Variants in CEP164 observed in about 807,000 individuals in gnomAD.
The protein encoded by CEP164 is centrosomal protein of 164 kDa.
A neutral mutation model predicts 182.7 loss-of-function variants in CEP164; 162 were observed. The observed-to-expected ratio is 0.89, with a 90% confidence interval of 0.78 to 1.01. The LOEUF (loss-of-function observed/expected upper bound fraction) is 1.01. Among genes scored for constraint, CEP164 ranks in the 50% least tolerant of loss-of-function variants. The probability of loss-of-function intolerance (pLI) is 0.00; values close to 1 mark genes in which losing one functional copy is unlikely to be tolerated. For synonymous variants in CEP164, 661 were observed against 690.0 expected, an observed-to-expected ratio of 0.96 and a Z score of 0.66; for missense variants, 1,735 against 1,790.4, an observed-to-expected ratio of 0.97 and a Z score of 0.56.
rs567521356 is a variant in CEP164 at position 117,390,655 on chromosome 11, A to G, written c.1935-122A>G. On this transcript the variant is annotated intron_variant, in intron 15 of 32. Transcript: ENST00000278935. ...TGTCTCCAAAAAGAAAAAAAAAAAA[A>G]AAGATTTAGGAAGTTTCTTAGGCAG... 236 of 1,320,658 alleles carry G rather than the reference A, an allele frequency of 1.8e-4. 2 individuals carry two copies. In the African/African-American group the frequency reaches 2.6e-3, roughly 15 times the overall value. 81.8% of individuals were successfully genotyped at this position (1,320,658 alleles called of 1,614,324 possible).
intron 27 of CEP164, among the ~76,000 whole-genome samples, chr11:117,397,961 C>T (rs369738455): frequency 6.6e-6 from 1 of 152,180 alleles, no homozygotes; most frequent in African/African-American, 2.4e-5. Flanking sequence ...TAACTCATTT[C>T]AGCATTAACC....
chr11:117,394,422 C>T lies in CEP164; in HGVS notation c.2689C>T (p.Arg897Ter), dbSNP rs764893412. 17 of 1,613,736 alleles carry T rather than the reference C, an allele frequency of 1.1e-5. No individual in the cohort carries two copies. Among genetic ancestry groups the T allele is most frequent in the Admixed American group, 3.3e-5 (2 of 59,962 alleles). The change falls in exon 21 of 33, where the codon CGA becomes TGA. Residue 897 changes from arginine to a stop codon, truncating the protein, a stop_gained. Transcript: ENST00000278935. LOFTEE classifies it high-confidence loss of function. The surrounding 1 kb of genome is among the most constrained non-coding windows in gnomAD (Gnocchi z 4.0). ...GGAGCGCCTGCAGAGGGCCCATGAA[C>T]GAGAACTGGAGACTGTGAGGCAGGA... ...ELERLQRAHE[R>*]ELETVRQEQH...
At chr11:117,407,460 A>AT (rs1644897566) in intron 27 of CEP164, among the ~76,000 whole-genome samples, 1 of 145,334 alleles carries the variant, frequency 6.9e-6, no homozygotes, top group African/African-American at 2.6e-5. Flanking sequence ...GTCTCTACAA[A>AT]AAAAAAAAAA....
At chr11:117,335,376 G>T (rs2036922148) in intron 1 of CEP164, among the ~76,000 whole-genome samples, 1 of 152,090 alleles carries the variant, frequency 6.6e-6, no homozygotes. Context: ...TTCAGGTTCA[G>T]TGCACTGACA....
chr11:117,380,734 G>A (rs767716968), intron 12 of CEP164, 29 bp downstream of exon 12: 42 of 1,567,742 alleles, frequency 2.7e-5, no homozygotes, highest in African/African-American at 8.1e-5. Context: ...TATCCCCAGC[G>A]CTGTGCCTTC....
Position 117,409,966 on chromosome 11 carries a change from G to A in CEP164, c.4096+1G>A, listed in dbSNP as rs780888941. 1.2e-6 allele frequency: 2 copies of A among 1,613,832 alleles called. No individual in the cohort carries two copies. Among genetic ancestry groups the A allele is most frequent in the Non-Finnish European group, 1.7e-6 (2 of 1,179,942 alleles). On this transcript the variant is annotated splice_donor_variant, in intron 30 of 32. Coordinates refer to ENST00000278935, the MANE Select transcript of CEP164 (RefSeq NM_014956.5). LOFTEE classifies it high-confidence loss of function. The surrounding 1 kb of genome is among the most constrained non-coding windows in gnomAD (Gnocchi z 4.4). ...GAGAAGTGGCGCAAGTATTTTCCAT[G>A]TAAGCCCCACTCTGGGCGGAGCCTT...
chr11:117,333,448 C>A (rs972709091), intron 1 of CEP164, among the ~76,000 whole-genome samples: 1 of 152,232 alleles, frequency 6.6e-6, no homozygotes, highest in Non-Finnish European at 1.5e-5. Flanking sequence ...TCCAATCTGG[C>A]CTCCGCTTTA....
intron 10 of CEP164, among the ~76,000 whole-genome samples, chr11:117,374,075 ATATAAT>A (rs1257176672): frequency 6.6e-6 from 1 of 151,982 alleles, no homozygotes; most frequent in Non-Finnish European, 1.5e-5. Flanking sequence ...AACATTAATA[ATATAAT>A]TATATATATA....
chr11:117,394,550 G>T lies in CEP164; in HGVS notation c.2760+57G>T. On this transcript the variant is annotated intron_variant, in intron 21 of 32. Coordinates refer to ENST00000278935, the MANE Select transcript of CEP164 (RefSeq NM_014956.5). This position sits in a 1 kb window ranked among gnomAD's most constrained non-coding sequence, Gnocchi z 4.0. ...TGACCCCTCCATGCACAGTAGGAAGGTGCTGGGAGCAGACGCATGGCCCCA... is the reference window on the plus strand; with the variant it reads ...TGACCCCTCCATGCACAGTAGGAAGTTGCTGGGAGCAGACGCATGGCCCCA... 1 of 1,595,040 alleles carries T rather than the reference G, an allele frequency of 6.3e-7. No individual in the cohort carries two copies. Among genetic ancestry groups the T allele is most frequent in the African/African-American group, 1.3e-5 (1 of 74,618 alleles).
chr11:117,344,005 A>G (rs1422840636), intron 3 of CEP164, among the ~76,000 whole-genome samples, 161 bp from the exon 4 acceptor site: 1 of 152,168 alleles, frequency 6.6e-6, no homozygotes, highest in African/African-American at 2.4e-5. Flanking sequence ...CAAGTGTACT[A>G]TTTGTAAATT....
At chr11:117,410,529 A>G in intron 30 of CEP164, 1 of 300,828 alleles carries the variant, frequency 3.3e-6, no homozygotes, top group South Asian at 5.0e-5. Context: ...TGTGTGGCTA[A>G]TTCTTGCTTC....
chr11:117,338,638 T>C lies in CEP164; in HGVS notation c.52T>C (p.Tyr18His). Residue 18 changes from tyrosine (Y) to histidine (H), a missense_variant, in exon 3 of 33, where the codon TAT (tyrosine) becomes CAT (histidine). Tyr to His is a moderately conservative substitution (Grantham distance 83, BLOSUM62 2). Transcript: ENST00000278935. ...AGATCAGCTGGTTCTGGAAGAAGAT[T>C]ATGATGAGACCTACATTCCTAGTGA... ...IGDQLVLEEDYDETYIPSEQE... is the reference protein window; with the variant it reads ...IGDQLVLEEDHDETYIPSEQE... 6 of 1,614,066 alleles carry C rather than the reference T, an allele frequency of 3.7e-6. No homozygotes were observed. The highest frequency in any genetic ancestry group is 5.1e-6 in the Non-Finnish European group (6 of 1,179,952).
At chr11:117,369,848 T>G (rs1286778282) in intron 8 of CEP164, among the ~76,000 whole-genome samples, 1 of 152,214 alleles carries the variant, frequency 6.6e-6, no homozygotes, top group Non-Finnish European at 1.5e-5. Context: ...TACTAGTCTT[T>G]AAAGTGAGGT....
At chr11:117,410,710 C>T (rs2047254781) in intron 30 of CEP164, 118 bp from the exon 31 acceptor site, 3 of 738,088 alleles carry the variant, frequency 4.1e-6, no homozygotes, top group Admixed American at 2.4e-5. Flanking sequence ...TCACCTGTCT[C>T]TGGCCTCCAG....
At position 117,345,692 on chromosome 11, in the gene CEP164, C is replaced by CT. The variant is rs544201814; in HGVS notation, c.194+1426dup. ...TGTGGCAGGCTTTTTGTTTCTTGAT[C>CT]TTTTTTTTTTTGAGATGGAGTTTTG... is the stretch of plus-strand genomic sequence containing the variant. On this transcript the variant is annotated intron_variant, in intron 4 of 32. Coordinates refer to ENST00000278935, the MANE Select transcript of CEP164 (RefSeq NM_014956.5). Among the ~76,000 whole-genome samples the CT allele has an allele frequency of 2.7e-3, 397 of 146,946 alleles. 2 individuals carry two copies. Among genetic ancestry groups the CT allele is most frequent in the South Asian group, 0.018 (83 of 4,628 alleles).
At chr11:117,355,999 G>GAGA (rs1555103836) in intron 5 of CEP164, 1 of 1,110,298 alleles carries the variant, frequency 9.0e-7, no homozygotes, top group Admixed American at 3.6e-5. Context: ...CTGACTTGGA[G>GAGA]AGCAGCAGCA....
Position 117,412,065 on chromosome 11 carries a change from T to C in CEP164, c.4287-7T>C, listed in dbSNP as rs977159589. 6.2e-7 allele frequency: 1 copy of C among 1,613,950 alleles called. No homozygotes were observed. Among genetic ancestry groups the C allele is most frequent in the Admixed American group, 1.7e-5 (1 of 59,994 alleles). ...GCGACTGCAGTTTTCCTTCACCTTG[T>C]GGCCAGACCTCTCTTCTCGTCAACA... is the stretch of plus-strand genomic sequence containing the variant. On this transcript the variant is annotated splice_region_variant and splice_polypyrimidine_tract_variant and intron_variant, in intron 32 of 32. Coordinates refer to ENST00000278935, the MANE Select transcript of CEP164 (RefSeq NM_014956.5).
At chr11:117,408,312 C>T (rs2046944649) in intron 28 of CEP164, among the ~76,000 whole-genome samples, 1 of 152,222 alleles carries the variant, frequency 6.6e-6, no homozygotes, top group Admixed American at 6.5e-5. Context: ...TTACCCTGCC[C>T]TGGTCCCTAA....
Position 117,395,545 on chromosome 11 carries a change from A to C in CEP164, c.2914-2A>C, listed in dbSNP as rs1217325146. 1 of 1,607,580 alleles carries C rather than the reference A, an allele frequency of 6.2e-7. No individual in the cohort carries two copies. The highest frequency in any genetic ancestry group is 8.5e-7 in the Non-Finnish European group (1 of 1,177,000). On this transcript the variant is annotated splice_acceptor_variant, in intron 23 of 32. Coordinates refer to ENST00000278935, the MANE Select transcript of CEP164 (RefSeq NM_014956.5). LOFTEE classifies it high-confidence loss of function. ...TGCTTCTATCTTTCCTTTTGCCCCT[A>C]GGAAGCCACAGCCACCCATCAGCAG...
Sources: allele counts gnomAD v4.1 joint callset (sites outside exome capture counted in the v4.1 genomes callset), GRCh38; gene constraint gnomAD v4.1.1; non-coding constraint Gnocchi (gnomAD v3.1); transcripts MANE v1.5; gene names NCBI Gene and HGNC (gene_info 2026-07-23, HGNC 2026-07-21).